OSBPL10: variants seen among roughly 807,000 people sequenced by gnomAD.
OSBPL10 encodes oxysterol binding protein like 10.
OSBPL10 carries 49 observed loss-of-function variants against 81.7 expected under a neutral mutation model. The ratio of observed to expected loss-of-function variants is 0.60; its 90% confidence interval spans 0.48 to 0.76. The LOEUF (loss-of-function observed/expected upper bound fraction) is 0.76. OSBPL10 is among the 30% of genes least tolerant of loss of function. OSBPL10 has a pLI of 0.00. For synonymous variants in OSBPL10, 419 were observed against 383.6 expected (o/e 1.09, Z -1.08); for missense variants, 923 against 987.8 (o/e 0.93, Z 0.88).
intron 4 of OSBPL10, among the ~76,000 whole-genome samples, chr3:31,823,995 G>A (rs1311641074): frequency 3.3e-5 from 5 of 152,004 alleles, no homozygotes; most frequent in Non-Finnish European, 7.4e-5. Flanking sequence ...GGAACCACAG[G>A]TTCATGCCAC....
intron 5 of OSBPL10, among the ~76,000 whole-genome samples, chr3:31,745,562 G>A (rs933819517): frequency 2.0e-5 from 3 of 152,088 alleles, no homozygotes; most frequent in African/African-American, 7.2e-5. Context: ...GCCTCAGTTT[G>A]GGGGACTGAG....
chr3:31,990,216 T>C (rs1699005884), intron 2 of OSBPL10: 2 of 1,612,654 alleles, frequency 1.2e-6, no homozygotes, highest in Non-Finnish European at 1.7e-6. Context: ...GCAAAGCCTT[T>C]AGTGGGCAGT....
chr3:31,807,166 G>T (rs1030670914), intron 4 of OSBPL10, among the ~76,000 whole-genome samples: 1 of 152,004 alleles, frequency 6.6e-6, no homozygotes, highest in Non-Finnish European at 1.5e-5. Flanking sequence ...GCTCACTTGA[G>T]GTCAGGAGTT....
chr3:31,771,592 C>T (rs1698380862), intron 4 of OSBPL10, among the ~76,000 whole-genome samples: 1 of 152,168 alleles, frequency 6.6e-6, no homozygotes, highest in Non-Finnish European at 1.5e-5. Context: ...ACTCCCCAAA[C>T]CTCCATGATT....
chr3:31,879,017 G>C (rs921373679), intron 2 of OSBPL10, among the ~76,000 whole-genome samples: 3 of 152,190 alleles, frequency 2.0e-5, no homozygotes, highest in African/African-American at 7.2e-5. Context: ...TGCGATGGAT[G>C]TGTCTTGAGG....
intron 4 of OSBPL10, among the ~76,000 whole-genome samples, chr3:31,755,161 G>A (rs912525238): frequency 2.0e-5 from 3 of 152,160 alleles, no homozygotes; most frequent in Non-Finnish European, 2.9e-5. Flanking sequence ...GCCTCTAGTC[G>A]AAAGAATGGA....
intron 1 of OSBPL10, among the ~76,000 whole-genome samples, chr3:32,072,087 C>G (rs140227785): frequency 6.6e-6 from 1 of 152,208 alleles, no homozygotes; most frequent in Non-Finnish European, 1.5e-5. Context: ...AGCCCTCACT[C>G]TTGCAAAGGA....
intron 4 of OSBPL10, among the ~76,000 whole-genome samples, chr3:31,783,220 G>A (rs1698750795): frequency 6.7e-6 from 1 of 150,364 alleles, no homozygotes; most frequent in Non-Finnish European, 1.5e-5. Context: ...CCTGGATGGA[G>A]TTGGAGACCA....
At chr3:31,712,821 A>G (rs1288004223) in intron 6 of OSBPL10, among the ~76,000 whole-genome samples, 1 of 152,210 alleles carries the variant, frequency 6.6e-6, no homozygotes, top group Non-Finnish European at 1.5e-5. Flanking sequence ...AGACCTTTCA[A>G]TTCATACCTC....
In OSBPL10 at chr3:31,796,976, T is replaced by G. The variant is rs1047741824; in HGVS notation, c.729+33064A>C. Among the ~76,000 whole-genome samples, 3 of 144,522 alleles carry G rather than the reference T, an allele frequency of 2.1e-5. No individual in the cohort carries two copies. In the Admixed American group the frequency reaches 2.2e-4, roughly 11 times the overall value. 94.8% of individuals were successfully genotyped at this position (144,522 alleles called of 152,430 possible). ...GATGAACCTTACAAATGATTTTTAT[T>G]TTATTAATTTTTATTAATTTTTTTT... On this transcript the variant is annotated intron_variant, in intron 4 of 11. Transcript: ENST00000396556.
chr3:31,840,758 A>G (rs544594293), intron 3 of OSBPL10, among the ~76,000 whole-genome samples: 4 of 152,232 alleles, frequency 2.6e-5, no homozygotes, highest in Non-Finnish European at 5.9e-5. Flanking sequence ...TGTGCTTTTT[A>G]TAAGTATGGA....
intron 1 of OSBPL10, among the ~76,000 whole-genome samples, chr3:31,947,038 G>T (rs1251365868): frequency 1.3e-5 from 2 of 152,086 alleles, no homozygotes; most frequent in South Asian, 4.1e-4. Context: ...AAAGGCAGGA[G>T]GGAGCAGACC....
At chr3:31,859,774 T>C (rs1420020931) in intron 3 of OSBPL10, among the ~76,000 whole-genome samples, 1 of 152,174 alleles carries the variant, frequency 6.6e-6, no homozygotes, top group Non-Finnish European at 1.5e-5. Flanking sequence ...TGCTGAGACA[T>C]TGGAAAGGGC....
intron 6 of OSBPL10, among the ~76,000 whole-genome samples, chr3:31,716,453 C>T (rs1011361524): frequency 6.6e-6 from 1 of 152,154 alleles, no homozygotes; most frequent in East Asian, 1.9e-4. Flanking sequence ...CCCTGCTCCC[C>T]GAGGCCCTCC....
chr3:32,056,921 A>G (rs916046615), intron 1 of OSBPL10, among the ~76,000 whole-genome samples: 7 of 152,244 alleles, frequency 4.6e-5, no homozygotes, highest in Non-Finnish European at 1.0e-4. Flanking sequence ...AGGATGCAGT[A>G]AAGAAGCTGG....
chr3:32,043,871 G>A (rs754525506), intron 2 of OSBPL10, among the ~76,000 whole-genome samples: 12 of 149,310 alleles, frequency 8.0e-5, no homozygotes, highest in African/African-American at 1.2e-4. Flanking sequence ...GGGTACTCAC[G>A]GACATAAAGA....
chr3:31,770,035 G>A (rs180850535), intron 4 of OSBPL10, among the ~76,000 whole-genome samples: 3 of 152,260 alleles, frequency 2.0e-5, no homozygotes, highest in Admixed American at 2.0e-4. Context: ...TAAGGAAAGA[G>A]TCCTTGACTT....
intron 6 of OSBPL10, among the ~76,000 whole-genome samples, chr3:31,725,156 G>A (rs1696766997): frequency 6.6e-6 from 1 of 152,138 alleles, no homozygotes; most frequent in Non-Finnish European, 1.5e-5. Context: ...CTAAGGAAGG[G>A]CTCCATTCAA....
chr3:31,891,253 T>C (rs1237628104), intron 1 of OSBPL10, among the ~76,000 whole-genome samples: 1 of 152,188 alleles, frequency 6.6e-6, no homozygotes, highest in Non-Finnish European at 1.5e-5. Flanking sequence ...CAGAATCACC[T>C]GGAAGTTGGT....
Sources: allele counts gnomAD v4.1 joint callset (sites outside exome capture counted in the v4.1 genomes callset), GRCh38; gene constraint gnomAD v4.1.1; transcripts MANE v1.5; gene names NCBI Gene and HGNC (gene_info 2026-07-23, HGNC 2026-07-21).